Variants in SLC17A5 observed in about 807,000 individuals in gnomAD.
SLC17A5 encodes the protein sialin.
A neutral mutation model predicts 59.4 loss-of-function variants in SLC17A5; 47 were observed. That is an observed-to-expected ratio of 0.79 (90% CI 0.63 to 1.01). The LOEUF is 1.01. Among genes scored for constraint, SLC17A5 ranks in the 50% least tolerant of loss-of-function variants. The pLI is 0.00. For missense variants in SLC17A5, 522 were observed against 595.5 expected (o/e 0.88, Z 1.28); for synonymous variants, 202 against 210.7 (o/e 0.96, Z 0.36).
chr6:73,600,531 CAG>C (rs1767009794), intron 9 of SLC17A5, 90 bp from the exon 10 acceptor site: 1 of 947,954 alleles, frequency 1.1e-6, no homozygotes, highest in Non-Finnish European at 1.6e-6. Context: ...TTTTTTGAGA[CAG>C]AGTCTCACTC....
In SLC17A5 at chr6:73,636,683, G is replaced by A; in HGVS notation, c.638C>T (p.Ser213Phe). The change falls in exon 5 of 11, where the codon TCT becomes TTT. Residue 213 changes from serine to phenylalanine, a missense_variant. By Grantham distance (155) the Ser-to-Phe change is radical. This residue lies in a region of SLC17A5 where 338 missense variants were observed against 363.8 expected (regional missense o/e 0.93). Coordinates refer to ENST00000355773, the MANE Select transcript of SLC17A5 (RefSeq NM_012434.5). ...GCAAATTATTCCAGAAAGAGGAAGAGAAATTACTGTCCCAAGCTGTGCTCC... is the reference window on the plus strand; with the variant it reads ...GCAAATTATTCCAGAAAGAGGAAGAAAAATTACTGTCCCAAGCTGTGCTCC... ...YAGAQLGTVI[S>F]LPLSGIICYY... 1 of 1,611,460 alleles carries A rather than the reference G, an allele frequency of 6.2e-7. No individual in the cohort carries two copies. The highest frequency in any genetic ancestry group is 1.1e-5 in the South Asian group (1 of 91,030).
At chr6:73,637,078 CAAAA>C (rs201154792) in intron 4 of SLC17A5, among the ~76,000 whole-genome samples, 1 of 78,064 alleles carries the variant, frequency 1.3e-5, no homozygotes, top group Non-Finnish European at 2.7e-5. Flanking sequence ...GACCCTGGCT[CAAAA>C]AAAAAAAAAA....
intron 7 of SLC17A5, among the ~76,000 whole-genome samples, chr6:73,620,583 G>A (rs147116368): frequency 2.6e-5 from 4 of 152,344 alleles, no homozygotes; most frequent in Admixed American, 6.5e-5. Flanking sequence ...GCTGCCTGAA[G>A]TTTTAAGGTT....
At chr6:73,621,000 A>ATTTATTATT (rs35762085) in intron 7 of SLC17A5, among the ~76,000 whole-genome samples, 4,200 of 150,256 alleles carry the variant, frequency 0.028, 201 homozygotes, top group African/African-American at 0.095. Context: ...TGCTGGGATT[A>ATTTATTATT]ATTATTATTA....
intron 9 of SLC17A5, among the ~76,000 whole-genome samples, chr6:73,606,396 C>T (rs1439247916): frequency 6.6e-6 from 1 of 152,156 alleles, no homozygotes; most frequent in Non-Finnish European, 1.5e-5. Flanking sequence ...GTACAGCAGT[C>T]CTCATTATCT....
chr6:73,639,721 G>A (rs1769188099), intron 3 of SLC17A5, among the ~76,000 whole-genome samples: 1 of 152,228 alleles, frequency 6.6e-6, no homozygotes, highest in African/African-American at 2.4e-5. Context: ...AGAAGGACGA[G>A]AGAACCTGAG....
intron 1 of SLC17A5, chr6:73,653,274 A>G (rs1026058797): frequency 1.0e-6 from 1 of 985,336 alleles, no homozygotes; most frequent in Non-Finnish European, 1.2e-6. Context: ...ACCAGGTCAC[A>G]TGCTGGCGGA....
chr6:73,613,666 T>C (rs1221959109), intron 8 of SLC17A5, among the ~76,000 whole-genome samples: 2 of 152,176 alleles, frequency 1.3e-5, no homozygotes, highest in African/African-American at 4.8e-5. Flanking sequence ...CCAGTGAATA[T>C]TATAAATCTT....
At chr6:73,617,457 A>G (rs1263837311) in intron 7 of SLC17A5, among the ~76,000 whole-genome samples, 1 of 152,266 alleles carries the variant, frequency 6.6e-6, no homozygotes, top group Non-Finnish European at 1.5e-5. Flanking sequence ...AGTAAATCAG[A>G]TAAGTGAATT....
At chr6:73,610,650 T>A in intron 8 of SLC17A5, 103 bp from the exon 9 acceptor site, 1 of 1,244,094 alleles carries the variant, frequency 8.0e-7, no homozygotes, top group Non-Finnish European at 1.2e-6. Flanking sequence ...CCACCTACTG[T>A]AGAAACACTA....
At chr6:73,648,670 T>C (rs145606333) in intron 1 of SLC17A5, among the ~76,000 whole-genome samples, 2 of 152,302 alleles carry the variant, frequency 1.3e-5, no homozygotes, top group African/African-American at 2.4e-5. Flanking sequence ...GAGAAAGTTA[T>C]GCCAATAAGA....
At chr6:73,629,744 C>A (rs866160844) in intron 6 of SLC17A5, among the ~76,000 whole-genome samples, 13 of 152,074 alleles carry the variant, frequency 8.5e-5, no homozygotes, top group African/African-American at 2.9e-4. Context: ...CATTGCACTC[C>A]AGCCTGGGCA....
chr6:73,595,270 C>T, intron 10 of SLC17A5, 56 bp from the exon 11 acceptor site: 1 of 1,586,676 alleles, frequency 6.3e-7, no homozygotes, highest in Non-Finnish European at 8.6e-7. Flanking sequence ...TAGTTCACTT[C>T]ATTAAAAAGA....
At chr6:73,616,913 A>G (rs1767898237) in intron 7 of SLC17A5, among the ~76,000 whole-genome samples, 1 of 151,746 alleles carries the variant, frequency 6.6e-6, no homozygotes, top group Non-Finnish European at 1.5e-5. Flanking sequence ...GGCCTCTGAG[A>G]GTCTTTCCTG....
chr6:73,633,042 A>C (rs969609087), intron 6 of SLC17A5, among the ~76,000 whole-genome samples: 1 of 152,164 alleles, frequency 6.6e-6, no homozygotes, highest in Non-Finnish European at 1.5e-5. Context: ...GTTGGAGTGC[A>C]ATGGCTGATC....
At position 73,606,890 on chromosome 6, in the gene SLC17A5, G is replaced by C. The variant is rs566464211; in HGVS notation, c.1259+3510C>G. Among the ~76,000 whole-genome samples the C allele has an allele frequency of 2.6e-4, 40 of 152,302 alleles. 1 individual carries two copies. In the South Asian group the frequency reaches 8.3e-3, roughly 32 times the overall value. ...AACGGCATCTATCATAGGAGGCCTGGCTGAAGTCCTGACATATCAAATCTA... is the reference window on the plus strand; with the variant it reads ...AACGGCATCTATCATAGGAGGCCTGCCTGAAGTCCTGACATATCAAATCTA... On this transcript the variant is annotated intron_variant, in intron 9 of 10. Coordinates refer to ENST00000355773, the MANE Select transcript of SLC17A5 (RefSeq NM_012434.5).
intron 9 of SLC17A5, 43 bp downstream of exon 9, chr6:73,610,352 AAATAT>A: frequency 6.2e-7 from 1 of 1,607,290 alleles, no homozygotes; most frequent in Non-Finnish European, 8.5e-7. Flanking sequence ...GGATTTTTAA[AAATAT>A]AATTTAAAGT....
chr6:73,651,264 C>T (rs1235046168), intron 1 of SLC17A5, among the ~76,000 whole-genome samples: 1 of 151,652 alleles, frequency 6.6e-6, no homozygotes, highest in Non-Finnish European at 1.5e-5. Flanking sequence ...AGTTAGAGAC[C>T]AGCCTTGCCA....
At chr6:73,614,423 T>A (rs1006399780) in intron 8 of SLC17A5, among the ~76,000 whole-genome samples, 2 of 152,186 alleles carry the variant, frequency 1.3e-5, no homozygotes, top group Admixed American at 1.3e-4. Flanking sequence ...AAAATTGTTT[T>A]AAAAAAGAAA....
Sources: gnomAD v4.1 joint callset for allele counts (sites outside exome capture counted in the v4.1 genomes callset) on GRCh38, gnomAD v4.1.1 for gene constraint, gnomAD v4.1.1 regional missense constraint, MANE v1.5 for transcripts, NCBI Gene and HGNC (gene_info 2026-07-23, HGNC 2026-07-21) for gene names.